The following MAF variants were observed in gnomAD, a reference collection of about 807,000 sequenced individuals.
MAF encodes the protein MAF bZIP transcription factor, also known as transcription factor Maf.
A neutral mutation model predicts 22.0 loss-of-function variants in MAF; 10 were observed. That is an observed-to-expected ratio of 0.45 (90% CI 0.28 to 0.77). The LOEUF (loss-of-function observed/expected upper bound fraction) is 0.77. Ranked by LOEUF, MAF falls within the 30% of genes least tolerant of loss-of-function variation. The pLI is 0.12. For missense variants in MAF, 544 were observed against 548.4 expected (o/e 0.99, Z 0.08); for synonymous variants, 337 against 255.8 (o/e 1.32, Z -3.03).
At chr16:79,510,701 A>T in the MAF span, among the ~76,000 whole-genome samples, 3 of 152,224 alleles carry the variant, frequency 2.0e-5, no homozygotes, top group East Asian at 5.8e-4. Flanking sequence ...CTCAAAGGGG[A>T]CATACACATC....
chr16:79,431,331 A>C, the MAF span, among the ~76,000 whole-genome samples: 1 of 152,210 alleles, frequency 6.6e-6, no homozygotes, highest in Non-Finnish European at 1.5e-5. Context: ...TGAAACCTGC[A>C]ATCTGGATTT....
At chr16:79,309,269 G>C in the MAF span, among the ~76,000 whole-genome samples, 1 of 152,166 alleles carries the variant, frequency 6.6e-6, no homozygotes, top group Non-Finnish European at 1.5e-5. Context: ...CTTGAGCTAT[G>C]ACCAGCTGCT....
At chr16:79,212,128 A>T in the MAF span, 4 of 1,531,126 alleles carry the variant, frequency 2.6e-6, no homozygotes, top group Non-Finnish European at 3.5e-6. Context: ...GTTATAGAAT[A>T]GCCTGAGGTC....
At chr16:79,576,769 G>T in the MAF span, among the ~76,000 whole-genome samples, 1 of 152,048 alleles carries the variant, frequency 6.6e-6, no homozygotes, top group Non-Finnish European at 1.5e-5. Context: ...CCTGTGCCAG[G>T]TGCTTTACAT....
At chr16:79,547,587 T>C in the MAF span, among the ~76,000 whole-genome samples, 1 of 152,154 alleles carries the variant, frequency 6.6e-6, no homozygotes, top group Non-Finnish European at 1.5e-5. Context: ...TGCAATATCC[T>C]ATCCTGTATA....
At chr16:79,209,922 A>C in the MAF span, among the ~76,000 whole-genome samples, 1 of 152,350 alleles carries the variant, frequency 6.6e-6, no homozygotes, top group Admixed American at 6.5e-5. Flanking sequence ...CTTGAGCCAC[A>C]CAAATCAATG....
the MAF span, among the ~76,000 whole-genome samples, chr16:79,355,476 C>T: frequency 6.6e-6 from 1 of 152,138 alleles, no homozygotes; most frequent in Non-Finnish European, 1.5e-5. Flanking sequence ...CAGTTCCAAC[C>T]CCAAGGCAGA....
intron 1 of MAF, 141 bp downstream of exon 1, chr16:79,598,644 G>A (rs1597846988): frequency 6.6e-7 from 1 of 1,506,830 alleles, no homozygotes; most frequent in Non-Finnish European, 8.8e-7. Context: ...TGTGTAGGGG[G>A]CCAAGGGGGC....
At chr16:79,209,647 G>A in the MAF span, among the ~76,000 whole-genome samples, 2 of 152,172 alleles carry the variant, frequency 1.3e-5, no homozygotes, top group Non-Finnish European at 1.5e-5. Context: ...ATATCTGGAA[G>A]TTGATACAAA....
the MAF span, among the ~76,000 whole-genome samples, chr16:79,547,148 T>C: frequency 6.6e-6 from 1 of 152,002 alleles, no homozygotes; most frequent in African/African-American, 2.4e-5. Flanking sequence ...GGGATGGACT[T>C]GGTGACATGG....
chr16:79,434,045 T>C, the MAF span, among the ~76,000 whole-genome samples: 1 of 152,158 alleles, frequency 6.6e-6, no homozygotes, highest in East Asian at 1.9e-4. Context: ...GTAGTGACTG[T>C]TCTCCCCGTT....
the MAF span, among the ~76,000 whole-genome samples, chr16:79,213,542 G>A: frequency 2.0e-5 from 3 of 152,230 alleles, no homozygotes; most frequent in African/African-American, 7.2e-5. Flanking sequence ...GACTGGCCTT[G>A]GCCAATTTGG....
the MAF span, among the ~76,000 whole-genome samples, chr16:79,218,825 T>C: frequency 1.3e-5 from 2 of 152,248 alleles, no homozygotes; most frequent in African/African-American, 4.8e-5. Flanking sequence ...ACTAGATTAT[T>C]GCACCAGTGA....
the MAF span, among the ~76,000 whole-genome samples, chr16:79,344,417 C>A: frequency 6.6e-6 from 1 of 152,166 alleles, no homozygotes; most frequent in Non-Finnish European, 1.5e-5. Context: ...ATCTAATTGT[C>A]CACAATGGGA....
At chr16:79,338,718 C>A in the MAF span, among the ~76,000 whole-genome samples, 1 of 152,244 alleles carries the variant, frequency 6.6e-6, no homozygotes, top group East Asian at 1.9e-4. Flanking sequence ...GCTTTATAAT[C>A]TATACACTCG....
chr16:79,321,833 G>C, the MAF span, among the ~76,000 whole-genome samples: 1 of 151,786 alleles, frequency 6.6e-6, no homozygotes, highest in Non-Finnish European at 1.5e-5. Context: ...GGGATTACAG[G>C]TGTGAACCAC....
At chr16:79,399,500 G>A in the MAF span, among the ~76,000 whole-genome samples, 5 of 152,166 alleles carry the variant, frequency 3.3e-5, no homozygotes, top group Admixed American at 6.5e-5. Flanking sequence ...CTAACATCAT[G>A]GCTTCAGCCT....
At chr16:79,376,888 G>A in the MAF span, among the ~76,000 whole-genome samples, 1 of 152,312 alleles carries the variant, frequency 6.6e-6, no homozygotes, top group Non-Finnish European at 1.5e-5. Flanking sequence ...ATTCCATGGT[G>A]TATATATGCC....
At chr16:79,545,385 C>A in the MAF span, among the ~76,000 whole-genome samples, 4 of 152,124 alleles carry the variant, frequency 2.6e-5, no homozygotes, top group Non-Finnish European at 4.4e-5. Context: ...GTTCCTTGTT[C>A]AAAAAGTATC....
Sources: allele counts gnomAD v4.1 joint callset (sites outside exome capture counted in the v4.1 genomes callset), GRCh38; gene constraint gnomAD v4.1.1; transcripts MANE v1.5; gene names NCBI Gene and HGNC (gene_info 2026-07-23, HGNC 2026-07-21).